RBM23: variants seen among roughly 807,000 people sequenced by gnomAD.
The protein encoded by RBM23 is probable RNA-binding protein 23.
RBM23 carries 53 observed loss-of-function variants against 56.2 expected under a neutral mutation model. The ratio of observed to expected loss-of-function variants is 0.94; its 90% CI spans 0.76 to 1.19. RBM23 has a LOEUF of 1.19. Among genes scored for constraint, RBM23 ranks in the 50% most tolerant of loss-of-function variants. RBM23 has a pLI of 0.00. For missense variants in RBM23, 642 were observed against 590.3 expected, an observed-to-expected ratio of 1.09 and a Z score of -0.91; for synonymous variants, 197 against 198.5, an observed-to-expected ratio of 0.99 and a Z score of 0.06.
chr14:22,908,106 G>C (rs143296522), intron 4 of RBM23, among the ~76,000 whole-genome samples: 2 of 151,614 alleles, frequency 1.3e-5, no homozygotes, highest in South Asian at 4.2e-4. Context: ...CTGCAACCTC[G>C]AACTCCTGGG....
intron 2 of RBM23, among the ~76,000 whole-genome samples, chr14:22,910,256 G>A (rs1377694751): frequency 4.7e-5 from 7 of 147,904 alleles, no homozygotes; most frequent in Non-Finnish European, 8.9e-5. Flanking sequence ...GAGGTCAGGA[G>A]TTCCAGACCA....
At chr14:22,909,692 A>AGTGGTTTGATTT in intron 2 of RBM23, 97 bp from the exon 3 acceptor site, 1 of 878,260 alleles carries the variant, frequency 1.1e-6, no homozygotes, top group Non-Finnish European at 1.9e-6. Context: ...GAATAAATCA[A>AGTGGTTTGATTT]ACCACTTGAT....
At position 22,897,210 on chromosome 14, in the gene RBM23, G is replaced by T. The variant is rs1226480556; in HGVS notation, c.*4520C>A. 1 of 152,188 alleles carries T rather than the reference G, an allele frequency of 6.6e-6. No individual in the cohort carries two copies. The highest frequency in any genetic ancestry group is 2.4e-5 in the African/African-American group (1 of 41,448). 9.4% of individuals were successfully genotyped at this position (152,188 alleles called of 1,614,324 possible). On this transcript the variant is annotated 3_prime_UTR_variant, in exon 14 of 14. Coordinates refer to ENST00000359890, the MANE Select transcript of RBM23 (RefSeq NM_001077351.2). The stretch of plus-strand genomic sequence containing the variant: ...AGACATTTAATATGTGCAAGGCAAA[G>T]CAATCATGAGAAAGACATCCAAGTC...
chr14:22,909,535 T>C lies in RBM23; in HGVS notation c.127A>G (p.Ser43Gly). 1.2e-6 allele frequency: 2 copies of C among 1,613,636 alleles called. No individual in the cohort carries two copies. Among genetic ancestry groups the C allele is most frequent in the Non-Finnish European group, 1.7e-6 (2 of 1,180,008 alleles). ...DYPSNTTSST[S>G]NSGNETSGSS... is the part of the protein sequence containing the mutation. ...CCACTGGTCTCATTGCCACTGTTGC[T>C]GGTGCTGCTGGTGGTATTGCTAGGA... The change falls in exon 3 of 14, where the codon AGC (serine) becomes GGC (glycine). Residue 43 changes from serine to glycine, a missense_variant. Ser to Gly is a moderately conservative substitution (Grantham distance 56). Coordinates refer to ENST00000359890, the MANE Select transcript of RBM23 (RefSeq NM_001077351.2).
intron 3 of RBM23, chr14:22,908,582 C>A (rs953640008): frequency 4.0e-6 from 2 of 501,190 alleles, no homozygotes; most frequent in Non-Finnish European, 6.9e-6. Flanking sequence ...TTAGTAGAGA[C>A]AAGGTTTCGC....
At chr14:22,914,370 T>C (rs2043131673) in intron 1 of RBM23, among the ~76,000 whole-genome samples, 1 of 149,614 alleles carries the variant, frequency 6.7e-6, no homozygotes, top group African/African-American at 2.5e-5. Flanking sequence ...CAAGCACCTG[T>C]AATCCCAGCT....
intron 11 of RBM23, 23 bp from the exon 12 acceptor site, chr14:22,902,122 G>T: frequency 1.9e-6 from 3 of 1,605,030 alleles, no homozygotes; most frequent in Non-Finnish European, 2.6e-6. Context: ...GAAAAGGTGG[G>T]ATTAAGCCCC....
chr14:22,915,093 TTAAA>T (rs1160029225), intron 1 of RBM23, among the ~76,000 whole-genome samples: 14 of 152,010 alleles, frequency 9.2e-5, no homozygotes, highest in African/African-American at 2.9e-4. Flanking sequence ...ATTTTGACAA[TTAAA>T]TAAGTGTAAT....
In RBM23 at chr14:22,898,602, G is replaced by C. The variant is rs1251273641; in HGVS notation, c.*3128C>G. The C allele has an allele frequency of 6.6e-6, 1 of 151,986 alleles. No homozygotes were observed. The highest frequency in any genetic ancestry group is 1.5e-5 in the Non-Finnish European group (1 of 68,026). The allele number at this position is 151,986 out of a possible 1,614,324, so 9.4% of individuals were successfully genotyped here. On this transcript the variant is annotated 3_prime_UTR_variant, in exon 14 of 14. Transcript: ENST00000359890. ...CCATCACCTTATATGGAGTAAGACT[G>C]GAAATTGTCTTAGATACGTCCTTAC...
intron 1 of RBM23, among the ~76,000 whole-genome samples, chr14:22,913,180 C>T (rs1339043577): frequency 4.0e-5 from 6 of 150,964 alleles, no homozygotes; most frequent in South Asian, 2.1e-4. Flanking sequence ...TTTGGGAGGC[C>T]GAGGCGGGCG....
chr14:22,916,002 T>C (rs965482922), intron 1 of RBM23, among the ~76,000 whole-genome samples: 2 of 152,172 alleles, frequency 1.3e-5, no homozygotes, highest in Admixed American at 1.3e-4. Context: ...GAGAATGGCT[T>C]GAGGCCAAGT....
chr14:22,902,756 C>CCTTTTTTTTTTTTTTTTTTT lies in RBM23; in HGVS notation c.931-375_931-374insAAAAAAAAAAAAAAAAAAAG, dbSNP rs1555336814. On this transcript the variant is annotated intron_variant, in intron 10 of 13. Coordinates refer to ENST00000359890, the MANE Select transcript of RBM23 (RefSeq NM_001077351.2). ...GTTCTCTATCCTAGTAAGTTTTAGT[C>CCTTTTTTTTTTTTTTTTTTT]TTTTTTTTTTTTTTTTTTTTTTTTT... The CCTTTTTTTTTTTTTTTTTTT allele has an allele frequency of 2.1e-5, 9 of 432,480 alleles. 4 individuals carry two copies. The highest frequency in any genetic ancestry group is 6.4e-5 in the African/African-American group (2 of 31,410). The allele number at this position is 432,480 out of a possible 1,614,324, so 26.8% of individuals were successfully genotyped here.
At chr14:22,916,316 T>A (rs962887675) in intron 1 of RBM23, among the ~76,000 whole-genome samples, 6 of 151,806 alleles carry the variant, frequency 4.0e-5, no homozygotes, top group African/African-American at 1.5e-4. Context: ...GAGTGTAATG[T>A]TGCAATCTCG....
chr14:22,913,084 GAAGT>G (rs1335914169), intron 1 of RBM23, among the ~76,000 whole-genome samples: 4 of 147,116 alleles, frequency 2.7e-5, no homozygotes, highest in East Asian at 2.0e-4. Flanking sequence ...CCTAGGGATA[GAAGT>G]AAGGGGAAGG....
chr14:22,908,417 A>G, intron 3 of RBM23, 37 bp from the exon 4 acceptor site: 1 of 1,495,484 alleles, frequency 6.7e-7, no homozygotes, highest in Non-Finnish European at 9.0e-7. Context: ...TTTTTTTTTT[A>G]ATTTTGAGAA....
chr14:22,904,870 C>T lies in RBM23; in HGVS notation c.864+5G>A, dbSNP rs780882466. On this transcript the variant is annotated splice_donor_5th_base_variant and intron_variant, in intron 9 of 13. Transcript: ENST00000359890. ...CCTTCAGAGGTTTCTCTCACTTCTA[C>T]TCACTTTACCAAAGGGCTCAAAGAT... 3 of 1,614,058 alleles carry T rather than the reference C, an allele frequency of 1.9e-6. No individual in the cohort carries two copies. The highest frequency in any genetic ancestry group is 8.5e-7 in the Non-Finnish European group (1 of 1,180,022).
Position 22,903,523 on chromosome 14 carries a change from T to C in RBM23, c.930+738A>G, listed in dbSNP as rs2040983654. The C allele has an allele frequency of 9.1e-6, 9 of 986,618 alleles. No homozygotes were observed. The South Asian group carries it at 1.4e-4, about 15-fold the overall frequency. The allele number at this position is 986,618 out of a possible 1,614,324, so 61.1% of individuals were successfully genotyped here. A position where few individuals can be genotyped will look rare whatever the true frequency, so the allele number is the denominator to read the frequency against. On this transcript the variant is annotated intron_variant, in intron 10 of 13. Coordinates refer to ENST00000359890, the MANE Select transcript of RBM23 (RefSeq NM_001077351.2). ...ACTGACAGTTCCTAGGCAGGTGTTA[T>C]ACATGGCTTGCCTTTACTGGATATT...
At position 22,898,510 on chromosome 14, in the gene RBM23, G is replaced by A. The variant is rs1019321015; in HGVS notation, c.*3220C>T. Reference sequence around the variant, plus strand: ...CGCTTCTCTCCACTCTAACCACCTCGTATGGAGGGATGAGTAACAAGAAGG... The same window carrying A: ...CGCTTCTCTCCACTCTAACCACCTCATATGGAGGGATGAGTAACAAGAAGG... On this transcript the variant is annotated 3_prime_UTR_variant, in exon 14 of 14. Coordinates refer to ENST00000359890, the MANE Select transcript of RBM23 (RefSeq NM_001077351.2). The A allele has an allele frequency of 5.3e-5, 8 of 152,150 alleles. No individual in the cohort carries two copies. Among genetic ancestry groups the A allele is most frequent in the African/African-American group, 1.4e-4 (6 of 41,494 alleles). 9.4% of individuals were successfully genotyped at this position (152,150 alleles called of 1,614,324 possible).
intron 2 of RBM23, among the ~76,000 whole-genome samples, chr14:22,910,151 CAAAAAA>C (rs532892000): frequency 7.2e-4 from 12 of 16,704 alleles, no homozygotes; most frequent in East Asian, 6.7e-3. Flanking sequence ...GACTCTGTCT[CAAAAAA>C]AAAAAAAAAA....
Sources: gnomAD v4.1 joint callset for allele counts (sites outside exome capture counted in the v4.1 genomes callset) on GRCh38, gnomAD v4.1.1 for gene constraint, MANE v1.5 for transcripts, NCBI Gene and HGNC (gene_info 2026-07-23, HGNC 2026-07-21) for gene names.